Variants in EML6 observed in about 807,000 individuals in gnomAD.
EML6 encodes echinoderm microtubule-associated protein-like 6.
A neutral mutation model predicts 240.1 loss-of-function variants in EML6; 154 were observed. That is an observed-to-expected ratio of 0.64 (90% CI 0.56 to 0.73). EML6 has a LOEUF of 0.73. Among genes scored for constraint, EML6 ranks in the 30% least tolerant of loss-of-function variants. EML6 has a pLI of 0.00. For missense variants in EML6, 2,964 were observed against 2,474.6 expected, an observed-to-expected ratio of 1.20 and a Z score of -4.20; for synonymous variants, 1,148 against 899.0, an observed-to-expected ratio of 1.28 and a Z score of -4.95.
At chr2:54,905,303 T>G (rs1179909192) in intron 24 of EML6, among the ~76,000 whole-genome samples, 1 of 146,358 alleles carries the variant, frequency 6.8e-6, no homozygotes, top group Admixed American at 7.0e-5. Flanking sequence ...AGGGTCTGAT[T>G]AACTTTATTT....
At chr2:54,854,124 C>A (rs1273623968) in intron 11 of EML6, among the ~76,000 whole-genome samples, 1 of 152,138 alleles carries the variant, frequency 6.6e-6, no homozygotes, top group Non-Finnish European at 1.5e-5. Flanking sequence ...ACATTTCGAA[C>A]AAGTCATATT....
chr2:54,819,464 G>A (rs1049330458), intron 4 of EML6, among the ~76,000 whole-genome samples: 3 of 152,140 alleles, frequency 2.0e-5, no homozygotes, highest in African/African-American at 7.2e-5. Flanking sequence ...CGTGCAAACT[G>A]TCTGGTAGCT....
chr2:54,801,554 C>T (rs752101713), intron 2 of EML6, among the ~76,000 whole-genome samples: 12 of 152,154 alleles, frequency 7.9e-5, no homozygotes, highest in Admixed American at 1.3e-4. Flanking sequence ...GCTTGTCTTT[C>T]TTTGTGAAAT....
At chr2:54,910,137 G>GT (rs1284688991) in intron 24 of EML6, among the ~76,000 whole-genome samples, 1 of 152,150 alleles carries the variant, frequency 6.6e-6, no homozygotes, top group Non-Finnish European at 1.5e-5. Flanking sequence ...TTGGCCATGT[G>GT]TTAATAGCTG....
rs1277098323 is a variant in EML6 at position 54,820,381 on chromosome 2, A to G, written c.457-13A>G. 6.5e-7 allele frequency: 1 copy of G among 1,540,054 alleles called. No homozygotes were observed. Among genetic ancestry groups the G allele is most frequent in the African/African-American group, 1.4e-5 (1 of 72,754 alleles). On this transcript the variant is annotated splice_polypyrimidine_tract_variant and intron_variant, in intron 4 of 41. Transcript: ENST00000356458. ...CAAATGATCAACATGGCAACTTTTAATGTTTTGAACAGATTTTTGATATTT... is the reference window on the plus strand; with the variant it reads ...CAAATGATCAACATGGCAACTTTTAGTGTTTTGAACAGATTTTTGATATTT...
chr2:54,822,993 G>A (rs1162468194), intron 5 of EML6, among the ~76,000 whole-genome samples: 1 of 152,086 alleles, frequency 6.6e-6, no homozygotes, highest in Non-Finnish European at 1.5e-5. Context: ...TGAAATCTAG[G>A]TAGTTTGCTT....
At chr2:54,751,051 T>C (rs1216918579) in intron 2 of EML6, among the ~76,000 whole-genome samples, 1 of 152,220 alleles carries the variant, frequency 6.6e-6, no homozygotes, top group East Asian at 1.9e-4. Context: ...GATGTTGAGC[T>C]TGACGCATCA....
At chr2:54,952,368 C>T (rs1487249077) in intron 30 of EML6, among the ~76,000 whole-genome samples, 1 of 152,084 alleles carries the variant, frequency 6.6e-6, no homozygotes, top group Non-Finnish European at 1.5e-5. Context: ...TTGAGTGTAT[C>T]AGATAACAGA....
intron 38 of EML6, among the ~76,000 whole-genome samples, chr2:54,965,124 G>A (rs934551164): frequency 1.3e-4 from 20 of 152,222 alleles, no homozygotes; most frequent in African/African-American, 4.3e-4. Context: ...CCCTCCATAC[G>A]TGGGCCCTGG....
chr2:54,842,543 G>C (rs1451251253), intron 7 of EML6, among the ~76,000 whole-genome samples: 6 of 152,162 alleles, frequency 3.9e-5, no homozygotes, highest in Non-Finnish European at 4.4e-5. Flanking sequence ...CAGGAGTAGA[G>C]GCCAAGTCCT....
intron 28 of EML6, among the ~76,000 whole-genome samples, chr2:54,942,130 A>G (rs1201755404): frequency 6.6e-6 from 1 of 152,198 alleles, no homozygotes; most frequent in African/African-American, 2.4e-5. Flanking sequence ...CTTCTGTCTG[A>G]TAATTTTAGG....
intron 16 of EML6, among the ~76,000 whole-genome samples, chr2:54,878,830 TTCA>T (rs1224346426): frequency 6.6e-6 from 1 of 152,174 alleles, no homozygotes; most frequent in African/African-American, 2.4e-5. Context: ...AGATAACCTG[TTCA>T]TTATTATTCT....
In EML6 at chr2:54,829,425, T is replaced by C; in HGVS notation, c.795T>C (p.Asp265=). ...RDGCIRLWDT[D]FKPITKIDLR... ...GGTGTATACGACTGTGGGACACTGA[T>C]TTCAAACCAATAACCAAAATTGATC... is the stretch of plus-strand genomic sequence containing the variant. The change falls in exon 7 of 42, where the codon GAT becomes GAC. Residue 265 remains aspartate (D), a synonymous_variant. Coordinates refer to ENST00000356458, the MANE Select transcript of EML6 (RefSeq NM_001039753.4). The C allele has an allele frequency of 4.5e-6, 7 of 1,552,000 alleles. No individual in the cohort carries two copies. Among genetic ancestry groups the C allele is most frequent in the Non-Finnish European group, 6.1e-6 (7 of 1,146,950 alleles).
chr2:54,806,134 T>C (rs1286258732), intron 2 of EML6, among the ~76,000 whole-genome samples: 1 of 152,206 alleles, frequency 6.6e-6, no homozygotes, highest in Non-Finnish European at 1.5e-5. Flanking sequence ...TGTGTATGTA[T>C]ATATACATGT....
intron 3 of EML6, among the ~76,000 whole-genome samples, chr2:54,813,919 C>G (rs575663911): frequency 1.3e-5 from 2 of 152,314 alleles, no homozygotes; most frequent in South Asian, 4.1e-4. Flanking sequence ...TGTTTCTTTA[C>G]AGTAACTGAC....
intron 16 of EML6, among the ~76,000 whole-genome samples, chr2:54,873,597 T>G (rs1433862455): frequency 2.0e-5 from 3 of 150,984 alleles, no homozygotes; most frequent in African/African-American, 7.3e-5. Flanking sequence ...GAATTCCTTC[T>G]GCTTTTTGTT....
intron 12 of EML6, among the ~76,000 whole-genome samples, chr2:54,861,894 T>A (rs78448268): frequency 0.016 from 2,476 of 152,032 alleles, 59 homozygotes; most frequent in African/African-American, 0.057. Flanking sequence ...AGTAGAGATA[T>A]GTGATTTACC....
rs11315862 is a variant in EML6 at position 54,957,354 on chromosome 2, GAA to G, written c.4487-419_4487-418del. Among the ~76,000 whole-genome samples the G allele has an allele frequency of 2.2e-3, 239 of 106,442 alleles. 1 individual carries two copies. Among genetic ancestry groups the G allele is most frequent in the Middle Eastern group, 4.5e-3 (1 of 220 alleles). The allele number at this position is 106,442 out of a possible 152,430, so 69.8% of individuals were successfully genotyped here. ...TAAAGAAAATGCAGGAGAATCTTAG[GAA>G]AAAAAAAAAAAAAAAAGCTCTCTAG... On this transcript the variant is annotated intron_variant, in intron 32 of 41. Coordinates refer to ENST00000356458, the MANE Select transcript of EML6 (RefSeq NM_001039753.4).
intron 28 of EML6, among the ~76,000 whole-genome samples, chr2:54,937,802 C>G (rs189285107): frequency 2.6e-5 from 4 of 152,238 alleles, no homozygotes; most frequent in Non-Finnish European, 5.9e-5. Flanking sequence ...TTTTTATATA[C>G]TCTATCAATC....
Sources: gnomAD v4.1 joint callset for allele counts (sites outside exome capture counted in the v4.1 genomes callset) on GRCh38, gnomAD v4.1.1 for gene constraint, MANE v1.5 for transcripts, NCBI Gene and HGNC (gene_info 2026-07-23, HGNC 2026-07-21) for gene names.